PCSK5: variants seen among roughly 807,000 people sequenced by gnomAD.
PCSK5 encodes the protein prohormone convertase 5.
In PCSK5, 129 loss-of-function variants were observed where a neutral mutation model predicts 233.2. That is an observed-to-expected ratio of 0.55 (90% CI 0.48 to 0.64). The LOEUF is 0.64. PCSK5 is among the 30% of genes least tolerant of loss of function. The pLI, the probability that PCSK5 is intolerant of heterozygous loss-of-function variation, is 0.00. For synonymous variants in PCSK5, 825 were observed against 879.2 expected (o/e 0.94, Z 1.09); for missense variants, 2,076 against 2,430.1 (o/e 0.85, Z 3.06).
In PCSK5 at chr9:76,240,216, T is replaced by C. The variant is rs916387975; in HGVS notation, c.3074-400T>C. On this transcript the variant is annotated intron_variant, in intron 23 of 37. Transcript: ENST00000674117. Reference sequence around the variant, plus strand: ...CAATTCTGTTTCTCCTTAATGTTTATGAATGTAGTAAAAGATTTTAAACTT... The same window carrying C: ...CAATTCTGTTTCTCCTTAATGTTTACGAATGTAGTAAAAGATTTTAAACTT... Among the ~76,000 whole-genome samples, 7 of 152,208 alleles carry C rather than the reference T, an allele frequency of 4.6e-5. No homozygotes were observed. In the East Asian group the frequency reaches 1.2e-3, roughly 25 times the overall value.
At chr9:75,928,669 G>T (rs1823633255) in intron 1 of PCSK5, among the ~76,000 whole-genome samples, 1 of 133,108 alleles carries the variant, frequency 7.5e-6, no homozygotes, top group South Asian at 2.4e-4. Flanking sequence ...TATTTTGTTT[G>T]GTTGGGGCAG....
chr9:76,181,622 A>G (rs1017590354), intron 16 of PCSK5, 31 bp downstream of exon 16: 1 of 1,503,780 alleles, frequency 6.6e-7, no homozygotes, highest in African/African-American at 1.4e-5. Context: ...TGGGTTTTAG[A>G]GAAGAAATGT....
At chr9:76,076,999 C>T (rs181376794) in intron 7 of PCSK5, among the ~76,000 whole-genome samples, 5 of 152,138 alleles carry the variant, frequency 3.3e-5, no homozygotes, top group Non-Finnish European at 7.3e-5. Context: ...AACATTTAAT[C>T]TTCATGATGA....
At chr9:76,242,008 C>T (rs2131331729) in intron 24 of PCSK5, among the ~76,000 whole-genome samples, 1 of 152,314 alleles carries the variant, frequency 6.6e-6, no homozygotes, top group South Asian at 2.1e-4. Context: ...CTATAGAACA[C>T]TCATGAAGTT....
intron 7 of PCSK5, among the ~76,000 whole-genome samples, chr9:76,074,628 C>T (rs915992968): frequency 6.6e-6 from 1 of 152,172 alleles, no homozygotes; most frequent in African/African-American, 2.4e-5. Context: ...CCATTTACTT[C>T]TCTCTAACCT....
rs1454414883 is a variant in PCSK5 at position 76,292,245 on chromosome 9, C to G, written c.3155C>G (p.Thr1052Arg). The change falls in exon 25 of 38, where the codon ACA becomes AGA. Residue 1052 changes from threonine (T) to arginine (R), a missense_variant. By Grantham distance (71) the Thr-to-Arg change is moderately conservative. Around this residue, in one of 6 missense-constraint regions of PCSK5, gnomAD observed 1,510 missense variants for 1,538.1 expected, o/e 0.98. Transcript: ENST00000674117. ...TTTTTTTTTCCAGATGATCCAGGAA[C>G]ATGTACATCTTGCGCTATGGGGTAT... ...CLGCSLDDPG[T>R]CTSCAMGYYR... The G allele has an allele frequency of 1.3e-6, 2 of 1,569,992 alleles. No individual in the cohort carries two copies. Among genetic ancestry groups the G allele is most frequent in the Admixed American group, 3.3e-5 (2 of 59,792 alleles).
At chr9:76,324,428 A>C (rs1265281848) in intron 32 of PCSK5, among the ~76,000 whole-genome samples, 1 of 151,992 alleles carries the variant, frequency 6.6e-6, no homozygotes, top group Non-Finnish European at 1.5e-5. Flanking sequence ...ACAGGGTTTC[A>C]CCATGTTGGC....
In PCSK5 at chr9:76,328,258, G is replaced by A. The variant is rs373845675; in HGVS notation, c.4570+19G>A. The A allele has an allele frequency of 3.2e-6, 5 of 1,559,012 alleles. No individual in the cohort carries two copies. In the African/African-American group the frequency reaches 5.4e-5, roughly 17 times the overall value. ...CTTCTCAGTGAGTTACTTCTCCGAG[G>A]ACAGCTTTGTGTTTCCATCTCTCTG... On this transcript the variant is annotated intron_variant, in intron 33 of 37. Coordinates refer to ENST00000674117, the MANE Select transcript of PCSK5 (RefSeq NM_001372043.1).
intron 5 of PCSK5, among the ~76,000 whole-genome samples, chr9:76,032,515 C>A (rs1174378622): frequency 6.6e-6 from 1 of 152,100 alleles, no homozygotes; most frequent in Non-Finnish European, 1.5e-5. Flanking sequence ...CTCTGAAGTA[C>A]AAAAGTTATA....
chr9:76,188,513 G>A (rs1163995345), intron 17 of PCSK5, 65 bp from the exon 18 acceptor site: 1 of 977,500 alleles, frequency 1.0e-6, no homozygotes, highest in African/African-American at 1.6e-5. Context: ...ATGGAGTTTG[G>A]GGAGTCATTA....
chr9:76,264,276 C>A (rs1045486245), intron 24 of PCSK5, among the ~76,000 whole-genome samples: 6 of 152,074 alleles, frequency 3.9e-5, no homozygotes, highest in African/African-American at 1.2e-4. Context: ...TAAAACTATA[C>A]CCCTGTATTT....
At chr9:76,089,428 C>G (rs367827304) in intron 7 of PCSK5, among the ~76,000 whole-genome samples, 4 of 152,178 alleles carry the variant, frequency 2.6e-5, no homozygotes, top group Non-Finnish European at 5.9e-5. Context: ...CTTGTCTCTA[C>G]CACGTCCTAG....
At chr9:76,355,818 C>A (rs1486583996) in intron 37 of PCSK5, among the ~76,000 whole-genome samples, 1 of 152,144 alleles carries the variant, frequency 6.6e-6, no homozygotes, top group Non-Finnish European at 1.5e-5. Flanking sequence ...ATTCTTCTAC[C>A]TCAGCCTCCA....
At chr9:75,915,545 T>C (rs1232669431) in intron 1 of PCSK5, among the ~76,000 whole-genome samples, 1 of 152,214 alleles carries the variant, frequency 6.6e-6, no homozygotes, top group Non-Finnish European at 1.5e-5. Context: ...GTTGGCATGT[T>C]AGAACTAAGA....
chr9:76,181,145 G>A (rs895203384), intron 15 of PCSK5, among the ~76,000 whole-genome samples: 1 of 152,174 alleles, frequency 6.6e-6, no homozygotes, highest in African/African-American at 2.4e-5. Context: ...CATTTTTCAA[G>A]AGCTAGGTGC....
chr9:76,026,604 T>G (rs1198196222), intron 4 of PCSK5, among the ~76,000 whole-genome samples: 2 of 152,124 alleles, frequency 1.3e-5, no homozygotes, highest in Non-Finnish European at 2.9e-5. Context: ...GCCTAGGTAG[T>G]CAAGGTGTAC....
chr9:76,197,599 TATCA>T (rs1824752782), intron 20 of PCSK5, among the ~76,000 whole-genome samples: 4 of 152,204 alleles, frequency 2.6e-5, no homozygotes. Context: ...GCTTCCATAT[TATCA>T]TTCAGCCTTG....
chr9:76,338,256 G>A lies in PCSK5; in HGVS notation c.4775G>A (p.Arg1592Gln), dbSNP rs768920911. The change falls in exon 35 of 38, where the codon CGG (arginine) becomes CAG (glutamine). Residue 1592 changes from arginine to glutamine, a missense_variant. By Grantham distance (43) the Arg-to-Gln change is conservative. This residue lies in a region of PCSK5 where 1,510 missense variants were observed against 1,538.1 expected (regional missense o/e 0.98). Transcript: ENST00000674117. The stretch of plus-strand genomic sequence containing the variant: ...TATTACGCAGACAACTCCACTGGCC[G>A]GTGTGAGAGGTGCAACAGGAGCTGC... ...EGYYADNSTG[R>Q]CERCNRSCKG... The A allele has an allele frequency of 4.4e-5, 71 of 1,612,128 alleles. No homozygotes were observed. In the Middle Eastern group the frequency reaches 4.9e-4, roughly 11 times the overall value.
In PCSK5 at chr9:75,976,017, A is replaced by G. The variant is rs554959249; in HGVS notation, c.298-10115A>G. Among the ~76,000 whole-genome samples the G allele has an allele frequency of 2.0e-5, 3 of 152,324 alleles. No homozygotes were observed. In the East Asian group the frequency reaches 5.8e-4, roughly 29 times the overall value. ...ATTTAACCCCAGGTGGCATTCAGAC[A>G]GTAGAATTTGTTTTAGGTACTTTAG... On this transcript the variant is annotated intron_variant, in intron 2 of 37. Coordinates refer to ENST00000674117, the MANE Select transcript of PCSK5 (RefSeq NM_001372043.1).
Sources: allele counts gnomAD v4.1 joint callset (sites outside exome capture counted in the v4.1 genomes callset), GRCh38; gene constraint gnomAD v4.1.1; regional missense constraint gnomAD v4.1.1; transcripts MANE v1.5; gene names NCBI Gene and HGNC (gene_info 2026-07-23, HGNC 2026-07-21).